VPS8: variants seen among roughly 807,000 people sequenced by gnomAD.
VPS8 encodes the protein VPS8 subunit of CORVET complex, also known as vacuolar protein sorting-associated protein 8 homolog.
Under a neutral mutation model 216.4 loss-of-function variants are expected in VPS8, and 129 were observed. The observed-to-expected ratio is 0.60, with a 90% CI of 0.52 to 0.69. The LOEUF is 0.69. Among genes scored for constraint, VPS8 ranks in the 30% least tolerant of loss-of-function variants. The pLI is 0.00. For synonymous variants in VPS8, 571 were observed against 565.4 expected (o/e 1.01, Z -0.14); for missense variants, 1,531 against 1,683.5 (o/e 0.91, Z 1.59).
intron 18 of VPS8, 132 bp from the exon 19 acceptor site, chr3:184,868,814 A>G (rs1380601996): frequency 2.6e-5 from 18 of 700,316 alleles, no homozygotes; most frequent in Non-Finnish European, 3.9e-5. Flanking sequence ...TTGAAACAAG[A>G]TATTCACATA....
At chr3:184,893,254 C>A in intron 22 of VPS8, 1 of 1,286,306 alleles carries the variant, frequency 7.8e-7, no homozygotes, top group Non-Finnish European at 1.0e-6. Flanking sequence ...GAGTCAAAAC[C>A]CCATCCTAGT....
intron 15 of VPS8, 87 bp downstream of exon 15, chr3:184,860,152 C>A: frequency 8.9e-7 from 1 of 1,121,642 alleles, no homozygotes; most frequent in Non-Finnish European, 1.3e-6. Flanking sequence ...GGATTTCTGC[C>A]AAGAATTATT....
chr3:184,957,520 A>C lies in VPS8; in HGVS notation c.3182A>C (p.Gln1061Pro). The C allele has an allele frequency of 6.2e-7, 1 of 1,607,466 alleles. No homozygotes were observed. Among genetic ancestry groups the C allele is most frequent in the Non-Finnish European group, 8.5e-7 (1 of 1,177,064 alleles). Residue 1061 changes from glutamine (Q) to proline (P), a missense_variant and splice_region_variant, in exon 37 of 48, where the codon CAG becomes CCG. Physicochemically the swap from Gln to Pro is moderately conservative, Grantham distance 76. Around this residue, in one of 3 missense-constraint regions of VPS8, gnomAD observed 1,318 missense variants for 1,468.4 expected, o/e 0.90. Transcript: ENST00000625842. ...TGCTACCGTCTGGAAGAAACTATTCAGGTGAGACGAACAATGTAAAAGAGA... is the reference window on the plus strand; with the variant it reads ...TGCTACCGTCTGGAAGAAACTATTCCGGTGAGACGAACAATGTAAAAGAGA... Reference protein sequence around the residue: ...LECYRLEETIQITQKYQLHEV... With the variant: ...LECYRLEETIPITQKYQLHEV...
chr3:184,825,359 T>G (rs538858865), intron 2 of VPS8, among the ~76,000 whole-genome samples: 1 of 152,172 alleles, frequency 6.6e-6, no homozygotes, highest in South Asian at 2.1e-4. Context: ...TAGTTCCTTA[T>G]CTTGCACAGC....
In VPS8 at chr3:184,902,122, C is replaced by CT. The variant is rs1192011417; in HGVS notation, c.2146+1162dup. ...TGTTTAAATATTTAGCCCCCCCCCC[C>CT]TTTTTTTTTTTTAATTGGTGGAGAT... On this transcript the variant is annotated intron_variant, in intron 25 of 47. Transcript: ENST00000625842. Among the ~76,000 whole-genome samples, 89 of 119,622 alleles carry CT rather than the reference C, an allele frequency of 7.4e-4. No individual in the cohort carries two copies. In the South Asian group the frequency reaches 0.014, roughly 19 times the overall value. 78.5% of individuals were successfully genotyped at this position (119,622 alleles called of 152,430 possible).
At chr3:184,939,436 T>A (rs1742250542) in intron 35 of VPS8, among the ~76,000 whole-genome samples, 1 of 152,048 alleles carries the variant, frequency 6.6e-6, no homozygotes, top group South Asian at 2.1e-4. Context: ...CAATAACAAT[T>A]TTTGCATAGG....
At chr3:185,001,104 C>T (rs2109913984) in intron 45 of VPS8, among the ~76,000 whole-genome samples, 1 of 152,266 alleles carries the variant, frequency 6.6e-6, no homozygotes, top group Non-Finnish European at 1.5e-5. Context: ...GTAGACAAGG[C>T]AAACATGGTC....
In VPS8 at chr3:184,839,783, A is replaced by G. The variant is rs16859340; in HGVS notation, c.535+31A>G. The G allele has an allele frequency of 4.4e-3, 6,977 of 1,569,214 alleles. 271 individuals are homozygous for G. In the African/African-American group the frequency reaches 0.084, roughly 19 times the overall value. On this transcript the variant is annotated intron_variant, in intron 7 of 47. Transcript: ENST00000625842. ...TTTTTAAGTGCTTTCCTGCTTTTAA[A>G]TATTAAGTGTCCTTTTGGGTTTTAT...
At chr3:185,042,222 T>C (rs574817375) in intron 46 of VPS8, among the ~76,000 whole-genome samples, 1 of 152,356 alleles carries the variant, frequency 6.6e-6, no homozygotes. Flanking sequence ...CTGGATTGTG[T>C]TGTCTTCCTT....
At chr3:184,928,635 T>A in intron 32 of VPS8, 102 bp downstream of exon 32, 1 of 857,642 alleles carries the variant, frequency 1.2e-6, no homozygotes, top group Non-Finnish European at 1.6e-6. Flanking sequence ...CTTTTTTAAT[T>A]AGGAAAGATT....
intron 29 of VPS8, 94 bp downstream of exon 29, chr3:184,920,292 G>T: frequency 1.2e-6 from 1 of 843,334 alleles, no homozygotes; most frequent in Non-Finnish European, 1.7e-6. Flanking sequence ...CTTGTTAAGT[G>T]GTTTCTTGGA....
intron 44 of VPS8, among the ~76,000 whole-genome samples, chr3:184,998,272 C>A (rs887101308): frequency 3.3e-5 from 5 of 152,014 alleles, no homozygotes; most frequent in African/African-American, 9.7e-5. Flanking sequence ...TAAGAAAGGA[C>A]TAGAGAGATC....
intron 14 of VPS8, 37 bp downstream of exon 14, chr3:184,855,855 A>T: frequency 3.3e-6 from 5 of 1,510,046 alleles, no homozygotes; most frequent in African/African-American, 1.4e-5. Flanking sequence ...GCCTCTTACA[A>T]TTTTTTTTAT....
chr3:184,904,637 C>T (rs1280704327), intron 25 of VPS8, among the ~76,000 whole-genome samples: 1 of 152,086 alleles, frequency 6.6e-6, no homozygotes, highest in African/African-American at 2.4e-5. Flanking sequence ...AGATATTGTT[C>T]TACAGTTTTG....
chr3:184,849,551 C>T (rs1723869024), intron 9 of VPS8: 1 of 254,292 alleles, frequency 3.9e-6, no homozygotes, highest in South Asian at 6.4e-5. Context: ...GCATTTCTTT[C>T]TTCTTCTGAA....
At chr3:184,840,135 G>A (rs188220346) in intron 7 of VPS8, 84 of 160,688 alleles carry the variant, frequency 5.2e-4, no homozygotes, top group African/African-American at 1.9e-3. Context: ...AGGAAAACAG[G>A]CTTTCTCAGT....
intron 36 of VPS8, among the ~76,000 whole-genome samples, chr3:184,943,394 T>C (rs1466757274): frequency 6.6e-6 from 1 of 152,226 alleles, no homozygotes; most frequent in African/African-American, 2.4e-5. Flanking sequence ...TCTCATTACA[T>C]TTTAGCTGTT....
chr3:184,929,256 C>G (rs976681566), intron 32 of VPS8, among the ~76,000 whole-genome samples: 1 of 152,038 alleles, frequency 6.6e-6, no homozygotes, highest in African/African-American at 2.4e-5. Flanking sequence ...TGCAGTGGTG[C>G]GATCATAGCT....
At chr3:184,888,136 C>T (rs1320387718) in intron 22 of VPS8, among the ~76,000 whole-genome samples, 7 of 151,926 alleles carry the variant, frequency 4.6e-5, no homozygotes, top group Non-Finnish European at 1.0e-4. Flanking sequence ...TACAGGCGCC[C>T]GCCACCATGC....
Sources: allele counts gnomAD v4.1 joint callset (sites outside exome capture counted in the v4.1 genomes callset), GRCh38; gene constraint gnomAD v4.1.1; regional missense constraint gnomAD v4.1.1; transcripts MANE v1.5; gene names NCBI Gene and HGNC (gene_info 2026-07-23, HGNC 2026-07-21).